GRM3: variants seen among roughly 807,000 people sequenced by gnomAD.
The protein encoded by GRM3 is metabotropic glutamate receptor 3.
A neutral mutation model predicts 70.5 loss-of-function variants in GRM3; 26 were observed. The ratio of observed to expected loss-of-function variants is 0.37; its 90% CI spans 0.27 to 0.51. The LOEUF is 0.51. Ranked by LOEUF, GRM3 falls within the 20% of genes least tolerant of loss-of-function variation. GRM3 has a pLI of 0.93. For missense variants in GRM3, 859 were observed against 1,123.8 expected (o/e 0.76, Z 3.37); for synonymous variants, 443 against 434.9 (o/e 1.02, Z -0.23).
chr7:86,852,742 C>A (rs1037754649), intron 5 of GRM3, among the ~76,000 whole-genome samples: 1 of 152,076 alleles, frequency 6.6e-6, no homozygotes, highest in African/African-American at 2.4e-5. Flanking sequence ...GCATAAGTAA[C>A]AAATACATTC....
At chr7:86,823,133 C>G (rs1798156354) in intron 3 of GRM3, among the ~76,000 whole-genome samples, 1 of 152,132 alleles carries the variant, frequency 6.6e-6, no homozygotes, top group Non-Finnish European at 1.5e-5. Flanking sequence ...AAGGCTATCA[C>G]AATAGCCCAT....
At chr7:86,756,668 A>G (rs1796351775) in intron 1 of GRM3, among the ~76,000 whole-genome samples, 1 of 152,050 alleles carries the variant, frequency 6.6e-6, no homozygotes, top group East Asian at 1.9e-4. Context: ...TTTGGCTATG[A>G]TTTAACTACA....
rs1799029465 is a variant in GRM3 at position 86,864,660 on chromosome 7, A to AAAAAAAAAAAGAAAAAAAAAAAAAAAAAC, written c.*309_*310insAAAAAAGAAAAAAAAAAAAAAAAACAAAA. ...AAACAAAAAAAAAAAACAAAAAAAA[A>AAAAAAAAAAAGAAAAAAAAAAAAAAAAAC]AAAACAAAAGAAAAAAATAAAAATA... On this transcript the variant is annotated 3_prime_UTR_variant, in exon 6 of 6. Transcript: ENST00000361669. The AAAAAAAAAAAGAAAAAAAAAAAAAAAAAC allele has an allele frequency of 4.2e-6, 1 of 235,926 alleles. No individual in the cohort carries two copies. The highest frequency in any genetic ancestry group is 7.9e-5 in the East Asian group (1 of 12,706). The allele number at this position is 235,926 out of a possible 1,614,324, so 14.6% of individuals were successfully genotyped here. A position where few individuals can be genotyped will look rare whatever the true frequency, so the allele number is the denominator to read the frequency against.
chr7:86,838,297 A>C (rs1396945435), intron 3 of GRM3, among the ~76,000 whole-genome samples: 2 of 152,204 alleles, frequency 1.3e-5, no homozygotes, highest in Non-Finnish European at 2.9e-5. Flanking sequence ...TAGGTAGTTT[A>C]ATTTTTTTCT....
chr7:86,778,367 C>T (rs1274173080), intron 2 of GRM3, among the ~76,000 whole-genome samples: 1 of 152,006 alleles, frequency 6.6e-6, no homozygotes, highest in Admixed American at 6.6e-5. Context: ...GAAAATAATT[C>T]TCATAGCACT....
chr7:86,738,857 C>A (rs1795922685), intron 1 of GRM3, among the ~76,000 whole-genome samples: 1 of 152,170 alleles, frequency 6.6e-6, no homozygotes, highest in Admixed American at 6.5e-5. Context: ...AGCTAATTAA[C>A]ATATCCATTA....
At chr7:86,856,883 C>G (rs1554369378) in intron 5 of GRM3, among the ~76,000 whole-genome samples, 1 of 152,054 alleles carries the variant, frequency 6.6e-6, no homozygotes, top group Non-Finnish European at 1.5e-5. Context: ...ATAACAGTGA[C>G]CACAAATATC....
intron 1 of GRM3, among the ~76,000 whole-genome samples, chr7:86,684,289 C>T (rs897945135): frequency 1.3e-4 from 20 of 152,148 alleles, no homozygotes; most frequent in Admixed American, 1.3e-3. Context: ...GTTTCCTCAA[C>T]TGAAAATAGG....
intron 5 of GRM3, among the ~76,000 whole-genome samples, chr7:86,860,783 C>T (rs1044344365): frequency 6.6e-6 from 1 of 152,138 alleles, no homozygotes; most frequent in African/African-American, 2.4e-5. Flanking sequence ...ACTCTGTCCT[C>T]CTTACCTAGG....
chr7:86,792,771 G>T (rs746269886), intron 3 of GRM3, among the ~76,000 whole-genome samples: 2 of 152,146 alleles, frequency 1.3e-5, no homozygotes, highest in African/African-American at 2.4e-5. Context: ...CAATGTTAGG[G>T]TGTTGCCCTA....
chr7:86,744,947 T>C (rs1184340617), intron 1 of GRM3, among the ~76,000 whole-genome samples: 1 of 152,038 alleles, frequency 6.6e-6, no homozygotes, highest in Admixed American at 6.6e-5. Flanking sequence ...CAACCCATGC[T>C]GGTCCCCCTT....
intron 5 of GRM3, among the ~76,000 whole-genome samples, chr7:86,852,679 G>T (rs1052983384): frequency 3.3e-5 from 5 of 152,114 alleles, no homozygotes; most frequent in Non-Finnish European, 5.9e-5. Context: ...CAATGAAGTA[G>T]TACCATGTAA....
At chr7:86,846,874 A>C (rs1261097999) in intron 4 of GRM3, among the ~76,000 whole-genome samples, 1 of 152,026 alleles carries the variant, frequency 6.6e-6, no homozygotes, top group African/African-American at 2.4e-5. Flanking sequence ...CAAAACTGTC[A>C]AAGACTGTAG....
intron 3 of GRM3, among the ~76,000 whole-genome samples, chr7:86,788,431 A>G (rs530291238): frequency 5.3e-5 from 8 of 152,320 alleles, no homozygotes; most frequent in African/African-American, 1.7e-4. Flanking sequence ...AAAGTAGTCA[A>G]AATCAATTAT....
chr7:86,703,222 C>T (rs899131582), intron 1 of GRM3, among the ~76,000 whole-genome samples: 1 of 151,856 alleles, frequency 6.6e-6, no homozygotes, highest in African/African-American at 2.4e-5. Context: ...TTATTCAAAG[C>T]ACAAATCCTA....
In GRM3 at chr7:86,663,134, G is replaced by A. The variant is rs1793936368; in HGVS notation, c.-141+18262G>A. Among the ~76,000 whole-genome samples, 3 of 151,284 alleles carry A rather than the reference G, an allele frequency of 2.0e-5. No homozygotes were observed. In the South Asian group the frequency reaches 6.2e-4, roughly 31 times the overall value. On this transcript the variant is annotated intron_variant, in intron 1 of 5. Transcript: ENST00000361669. ...GAGACCATTTTACTAGATCTCTCAG[G>A]GTATACATGAGAATAGAGAATCTCA...
intron 1 of GRM3, among the ~76,000 whole-genome samples, chr7:86,687,768 G>T (rs1023228428): frequency 1.3e-5 from 2 of 151,836 alleles, no homozygotes; most frequent in African/African-American, 2.4e-5. Context: ...TTTACAACAT[G>T]TAGAAATATA....
At chr7:86,649,164 C>T (rs1311511001) in intron 1 of GRM3, among the ~76,000 whole-genome samples, 1 of 152,134 alleles carries the variant, frequency 6.6e-6, no homozygotes, top group Non-Finnish European at 1.5e-5. Context: ...TACTCTCCCT[C>T]CTGAGGTCCC....
chr7:86,748,213 T>C (rs916893977), intron 1 of GRM3, among the ~76,000 whole-genome samples: 3 of 152,096 alleles, frequency 2.0e-5, no homozygotes, highest in Admixed American at 2.0e-4. Flanking sequence ...CATCAATCCC[T>C]GTTATTAAAC....
Sources: allele counts gnomAD v4.1 joint callset (sites outside exome capture counted in the v4.1 genomes callset), GRCh38; gene constraint gnomAD v4.1.1; transcripts MANE v1.5; gene names NCBI Gene and HGNC (gene_info 2026-07-23, HGNC 2026-07-21).